The following TRAM2 variants were observed in gnomAD, a reference collection of about 807,000 sequenced individuals.
The protein encoded by TRAM2 is translocation associated membrane protein 2.
A neutral mutation model predicts 51.0 loss-of-function variants in TRAM2; 12 were observed. That is an observed-to-expected ratio of 0.24 (90% CI 0.15 to 0.38). TRAM2 has a LOEUF of 0.38. TRAM2 is among the 10% of genes least tolerant of loss of function. TRAM2 has a pLI of 1.00. For missense variants in TRAM2, 361 were observed against 462.0 expected (o/e 0.78, Z 2.00); for synonymous variants, 175 against 179.4 (o/e 0.98, Z 0.20).
Position 52,503,068 on chromosome 6 carries a change from T to C in TRAM2, c.*129A>G. On this transcript the variant is annotated 3_prime_UTR_variant, in exon 11 of 11. Coordinates refer to ENST00000182527, the MANE Select transcript of TRAM2 (RefSeq NM_012288.4). ...AAAGCGAAACGCCCCCTCCCCCCAT[T>C]GCAAGACAGGTTTCGGCTGTTTGAG... is the stretch of plus-strand genomic sequence containing the variant. 1 of 783,670 alleles carries C rather than the reference T, an allele frequency of 1.3e-6. No individual in the cohort carries two copies. The highest frequency in any genetic ancestry group is 2.2e-6 in the Non-Finnish European group (1 of 455,870). 48.5% of individuals were successfully genotyped at this position (783,670 alleles called of 1,614,324 possible).
At chr6:52,564,941 AT>A (rs1237062464) in intron 1 of TRAM2, among the ~76,000 whole-genome samples, 4 of 152,158 alleles carry the variant, frequency 2.6e-5, no homozygotes, top group African/African-American at 9.7e-5. Context: ...GGAGAATGAG[AT>A]GACTTGGAGT....
chr6:52,542,850 A>G (rs1767128529), intron 1 of TRAM2, among the ~76,000 whole-genome samples: 1 of 152,230 alleles, frequency 6.6e-6, no homozygotes, highest in African/African-American at 2.4e-5. Flanking sequence ...GAGTCACAAT[A>G]AAGGGTTTAA....
chr6:52,558,172 C>T (rs1412916313), intron 1 of TRAM2, among the ~76,000 whole-genome samples: 1 of 152,116 alleles, frequency 6.6e-6, no homozygotes, highest in Non-Finnish European at 1.5e-5. Flanking sequence ...ACTTGGCCTC[C>T]CCGGGGTTCT....
chr6:52,516,549 C>T, intron 3 of TRAM2, 79 bp downstream of exon 3: 2 of 1,159,358 alleles, frequency 1.7e-6, no homozygotes, highest in Non-Finnish European at 2.6e-6. Context: ...TGCAGAGCTG[C>T]AGTTTCCTCC....
At chr6:52,531,120 CAA>C (rs35821052) in intron 2 of TRAM2, among the ~76,000 whole-genome samples, 8 of 96,288 alleles carry the variant, frequency 8.3e-5, no homozygotes, top group Admixed American at 3.6e-4. Context: ...CCTGGTTATG[CAA>C]AAAAAAAAAA....
intron 1 of TRAM2, among the ~76,000 whole-genome samples, chr6:52,548,860 T>A (rs1767257470): frequency 6.6e-6 from 1 of 152,246 alleles, no homozygotes; most frequent in African/African-American, 2.4e-5. Flanking sequence ...TGTCTTTATT[T>A]ATCTCCATAC....
At chr6:52,550,384 G>A (rs900806664) in intron 1 of TRAM2, among the ~76,000 whole-genome samples, 1 of 152,028 alleles carries the variant, frequency 6.6e-6, no homozygotes, top group African/African-American at 2.4e-5. Flanking sequence ...GCCAGTCCAC[G>A]CCCTTGTTAA....
At chr6:52,505,508 A>C in intron 9 of TRAM2, 91 bp downstream of exon 9, 1 of 1,482,232 alleles carries the variant, frequency 6.7e-7, no homozygotes, top group Non-Finnish European at 9.0e-7. Flanking sequence ...GTGGGAGACT[A>C]AAGGGTCTGC....
intron 1 of TRAM2, among the ~76,000 whole-genome samples, chr6:52,553,132 C>T (rs62405872): frequency 0.021 from 3,153 of 152,272 alleles, 37 homozygotes; most frequent in South Asian, 0.036. Context: ...TTGCCTTCTG[C>T]TGCTTAAAGG....
At chr6:52,529,383 A>G (rs948638053) in intron 2 of TRAM2, among the ~76,000 whole-genome samples, 9 of 126,484 alleles carry the variant, frequency 7.1e-5, no homozygotes, top group African/African-American at 3.0e-4. Context: ...TGAGGTTAGA[A>G]GTGTAGGATT....
intron 1 of TRAM2, among the ~76,000 whole-genome samples, chr6:52,537,718 C>A (rs1468998314): frequency 2.8e-5 from 1 of 35,396 alleles, no homozygotes; most frequent in Non-Finnish European, 5.1e-5. Context: ...CAGGCAGGGA[C>A]TGTGCCGTCC....
rs1766268747 is a variant in TRAM2 at position 52,503,153 on chromosome 6, G to C, written c.*44C>G. On this transcript the variant is annotated 3_prime_UTR_variant, in exon 11 of 11. Transcript: ENST00000182527. ...AGGGGGCCTGGGCTCCTTGCCCCCT[G>C]CTCGGCCCCCACCAAGAGGATTCCT... is the stretch of plus-strand genomic sequence containing the variant. The C allele has an allele frequency of 6.4e-7, 1 of 1,551,826 alleles. No individual in the cohort carries two copies. The highest frequency in any genetic ancestry group is 8.9e-7 in the Non-Finnish European group (1 of 1,124,200).
intron 1 of TRAM2, among the ~76,000 whole-genome samples, chr6:52,562,121 T>C (rs547540480): frequency 2.0e-5 from 3 of 151,950 alleles, no homozygotes; most frequent in Non-Finnish European, 4.4e-5. Context: ...AACTGGTAAT[T>C]CCACTTTACC....
At chr6:52,543,562 T>C (rs1456655513) in intron 1 of TRAM2, among the ~76,000 whole-genome samples, 1 of 152,182 alleles carries the variant, frequency 6.6e-6, no homozygotes, top group African/African-American at 2.4e-5. Flanking sequence ...GATTATGGAG[T>C]GAAAAATTTT....
Position 52,516,663 on chromosome 6 carries a change from T to G in TRAM2, c.259A>C (p.Ile87Leu), listed in dbSNP as rs753870579. The G allele has an allele frequency of 6.2e-6, 10 of 1,614,112 alleles. No individual in the cohort carries two copies. Among genetic ancestry groups the G allele is most frequent in the Non-Finnish European group, 8.5e-6 (10 of 1,179,968 alleles). Residue 87 changes from isoleucine (I) to leucine (L), a missense_variant, in exon 3 of 11, where the codon ATC becomes CTC. By Grantham distance (5) the Ile-to-Leu change is conservative. Coordinates refer to ENST00000182527, the MANE Select transcript of TRAM2 (RefSeq NM_012288.4). ...TACTCCTGAACCACAGCATGCAAGA[T>G]GATGGTGATGAAGATGTAGAACAAG... Reference protein sequence around the residue: ...TILFYIFITIILHAVVQEYIL... With the variant: ...TILFYIFITILLHAVVQEYIL...
At chr6:52,568,697 T>C (rs2114109424) in intron 1 of TRAM2, among the ~76,000 whole-genome samples, 1 of 152,300 alleles carries the variant, frequency 6.6e-6, no homozygotes, top group South Asian at 2.1e-4. Flanking sequence ...CCCTCTCCAA[T>C]AGCCACAGAC....
intron 1 of TRAM2, among the ~76,000 whole-genome samples, chr6:52,567,695 T>C (rs1767611346): frequency 6.6e-6 from 1 of 152,240 alleles, no homozygotes; most frequent in African/African-American, 2.4e-5. Context: ...AACTTCAACA[T>C]TGTTCATTAT....
At chr6:52,540,053 T>C (rs1581885570) in intron 1 of TRAM2, among the ~76,000 whole-genome samples, 1 of 151,518 alleles carries the variant, frequency 6.6e-6, no homozygotes, top group Admixed American at 6.6e-5. Flanking sequence ...CTAGCCCCCC[T>C]GGTAGTAGCA....
intron 2 of TRAM2, among the ~76,000 whole-genome samples, chr6:52,532,234 G>A (rs1411575570): frequency 6.6e-6 from 1 of 152,114 alleles, no homozygotes; most frequent in Admixed American, 6.5e-5. Flanking sequence ...TATAATAAAA[G>A]GATGCCCAAT....
Sources: gnomAD v4.1 joint callset for allele counts (sites outside exome capture counted in the v4.1 genomes callset) on GRCh38, gnomAD v4.1.1 for gene constraint, MANE v1.5 for transcripts, NCBI Gene and HGNC (gene_info 2026-07-23, HGNC 2026-07-21) for gene names.